Variants in SPACA6 observed in about 807,000 individuals in gnomAD.
SPACA6 encodes sperm acrosome membrane-associated protein 6.
For missense variants in SPACA6, 8 were observed against 2.8 expected (o/e 2.88, Z -1.34); for synonymous variants, 6 against 1.5 (o/e 4.05, Z -2.21).
At chr19:51,688,432 T>G (rs931991704), upstream of SPACA6, 1 of 152,404 alleles carries the variant, frequency 6.6e-6, no homozygotes, top group East Asian at 1.9e-4. Context: ...CCCTGTGTCA[T>G]ACCCAGATCA....
At chr19:51,687,465 T>A (rs2083333747), upstream of SPACA6, 1 of 136,344 alleles carries the variant, frequency 7.3e-6, no homozygotes. Flanking sequence ...AGCCTAGATA[T>A]GGGAGGATCT....
upstream of SPACA6, among the ~76,000 whole-genome samples, chr19:51,691,808 T>A (rs35627212): frequency 1.2e-5 from 1 of 80,718 alleles, no homozygotes; most frequent in Non-Finnish European, 2.6e-5. Flanking sequence ...AGCCCAGGGG[T>A]GGGGAGGGTG....
In SPACA6 at chr19:51,703,985, A is replaced by C. The variant is rs1210148401; in HGVS notation, c.574-45A>C. ...GGGGGGCGGGGCTTGTAGGTTACTC[A>C]GTGGCAAGCCGGAGTTGAGGCGTTT... On this transcript the variant is annotated intron_variant, in intron 6 of 8. Coordinates refer to ENST00000637797, the MANE Select transcript of SPACA6 (RefSeq NM_001316972.2). The surrounding 1 kb of genome is among the most constrained non-coding windows in gnomAD (Gnocchi z 4.2). 1.3e-5 allele frequency: 5 copies of C among 399,924 alleles called. No homozygotes were observed. In the Admixed American group the frequency reaches 2.2e-4, roughly 18 times the overall value. 24.8% of individuals were successfully genotyped at this position (399,924 alleles called of 1,614,324 possible). A position where few individuals can be genotyped will look rare whatever the true frequency, so the allele number is the denominator to read the frequency against.
Position 51,693,485 on chromosome 19 carries a change from A to G in SPACA6, c.-42A>G. The G allele has an allele frequency of 1.9e-6, 1 of 528,374 alleles. No individual in the cohort carries two copies. The highest frequency in any genetic ancestry group is 3.5e-6 in the Non-Finnish European group (1 of 281,706). 32.7% of individuals were successfully genotyped at this position (528,374 alleles called of 1,614,324 possible). A position where few individuals can be genotyped will look rare whatever the true frequency, so the allele number is the denominator to read the frequency against. ...CCTTCCCCCGCCCTGTGGTGACTTC[A>G]TAAAGGTTACTAGCTTCTCCCCTGG... On this transcript the variant is annotated 5_prime_UTR_variant, in exon 1 of 9. Coordinates refer to ENST00000637797, the MANE Select transcript of SPACA6 (RefSeq NM_001316972.2).
upstream of SPACA6, among the ~76,000 whole-genome samples, chr19:51,691,239 A>AG (rs2083369554): frequency 6.7e-6 from 1 of 150,244 alleles, no homozygotes; most frequent in African/African-American, 2.4e-5. Flanking sequence ...CAAAGAGAGA[A>AG]GGGGGAGGGG....
chr19:51,685,081 G>C (rs2122170122), upstream of SPACA6, among the ~76,000 whole-genome samples: 1 of 152,296 alleles, frequency 6.6e-6, no homozygotes, highest in East Asian at 1.9e-4. Context: ...GTAAGTCCTT[G>C]ACTCAGACCT....
chr19:51,698,814 G>A (rs1042899087), intron 2 of SPACA6, among the ~76,000 whole-genome samples: 2 of 152,196 alleles, frequency 1.3e-5, no homozygotes, highest in African/African-American at 4.8e-5. Flanking sequence ...CCTATATAAA[G>A]TAAGTCTTGT....
Position 51,693,705 on chromosome 19 carries a change from C to T in SPACA6, c.179C>T (p.Thr60Met), listed in dbSNP as rs961008606. ...CTTGAAGAGTGTGAGGAGGCCTTCACGGCCGCCTTCCAGGGCCTCTCTGAC... is the reference window on the plus strand; with the variant it reads ...CTTGAAGAGTGTGAGGAGGCCTTCATGGCCGCCTTCCAGGGCCTCTCTGAC... ...PKLEECEEAF[T>M]AAFQGLSDTE... The change falls in exon 1 of 9, where the codon ACG (threonine) becomes ATG (methionine). Residue 60 changes from threonine to methionine, a missense_variant. Transcript: ENST00000637797. 19 of 406,962 alleles carry T rather than the reference C, an allele frequency of 4.7e-5. No homozygotes were observed. The highest frequency in any genetic ancestry group is 2.2e-4 in the African/African-American group (11 of 49,052). The allele number at this position is 406,962 out of a possible 1,614,324, so 25.2% of individuals were successfully genotyped here.
intron 2 of SPACA6, among the ~76,000 whole-genome samples, chr19:51,699,157 A>G (rs2083450349): frequency 1.3e-5 from 2 of 152,106 alleles, no homozygotes; most frequent in Admixed American, 1.3e-4. Context: ...CTACAAGCAC[A>G]CCATCACACC....
intron 2 of SPACA6, among the ~76,000 whole-genome samples, chr19:51,696,367 T>G (rs981544974): frequency 6.6e-6 from 1 of 152,164 alleles, no homozygotes; most frequent in Non-Finnish European, 1.5e-5. Flanking sequence ...ACATAATCGA[T>G]AAAATATCTT....
downstream of SPACA6, chr19:51,705,379 A>C (rs1196070866): frequency 5.9e-6 from 2 of 338,776 alleles, no homozygotes; most frequent in Non-Finnish European, 1.1e-5. Flanking sequence ...CCATCTGCAG[A>C]AGGCACCCTC....
downstream of SPACA6, among the ~76,000 whole-genome samples, chr19:51,709,453 G>T (rs1429122133): frequency 6.7e-6 from 1 of 149,222 alleles, no homozygotes; most frequent in East Asian, 2.0e-4. Flanking sequence ...TGAGGCGGAG[G>T]TTGCAGTGAG....
intron 2 of SPACA6, among the ~76,000 whole-genome samples, chr19:51,701,236 GGAAAT>G (rs146764067): frequency 0.33 from 50,203 of 151,446 alleles, 8,426 homozygotes; most frequent in South Asian, 0.47. Context: ...ATAAAATAAA[GGAAAT>G]GAAAGGTGGG....
intron 2 of SPACA6, among the ~76,000 whole-genome samples, chr19:51,695,495 G>A (rs550604192): frequency 9.2e-4 from 140 of 152,270 alleles, no homozygotes; most frequent in African/African-American, 3.1e-3. Flanking sequence ...CCCTCCAAGC[G>A]TCCTGTCAAC....
downstream of SPACA6, among the ~76,000 whole-genome samples, chr19:51,709,614 C>CAAAA (rs56844884): frequency 3.3e-4 from 31 of 93,140 alleles, no homozygotes; most frequent in African/African-American, 1.2e-3. Flanking sequence ...GACTCTGTCA[C>CAAAA]AAAAAAAAAA....
chr19:51,704,189 G>A lies in SPACA6; in HGVS notation c.730+3G>A, dbSNP rs1050137669. The A allele has an allele frequency of 1.5e-5, 6 of 401,002 alleles. No homozygotes were observed. Among genetic ancestry groups the A allele is most frequent in the Non-Finnish European group, 2.7e-5 (6 of 226,158 alleles). The allele number at this position is 401,002 out of a possible 1,614,324, so 24.8% of individuals were successfully genotyped here. On this transcript the variant is annotated splice_donor_region_variant and intron_variant, in intron 7 of 8. Transcript: ENST00000637797. Reference sequence around the variant, plus strand: ...CCGGCTCTACTTCTTTCTTAACGGTGGGGCGGGGCGCGGCCGCGTGAGTGA... The same window carrying A: ...CCGGCTCTACTTCTTTCTTAACGGTAGGGCGGGGCGCGGCCGCGTGAGTGA...
At chr19:51,708,904 G>A (rs908016366), downstream of SPACA6, among the ~76,000 whole-genome samples, 14 of 151,782 alleles carry the variant, frequency 9.2e-5, no homozygotes, top group Admixed American at 6.6e-5. Context: ...AAAGGGAAAA[G>A]CCCTGAGGCA....
intron 2 of SPACA6, among the ~76,000 whole-genome samples, chr19:51,697,135 G>A (rs539107153): frequency 4.3e-4 from 66 of 152,274 alleles, no homozygotes; most frequent in African/African-American, 1.5e-3. Flanking sequence ...CTGCTGCTCC[G>A]GGAACACTCT....
At chr19:51,708,873 CTG>C (rs1449009887), downstream of SPACA6, among the ~76,000 whole-genome samples, 1 of 150,034 alleles carries the variant, frequency 6.7e-6, no homozygotes, top group Non-Finnish European at 1.5e-5. Context: ...AAAAAAAAAA[CTG>C]TTCCAGGCAA....
Sources: allele counts gnomAD v4.1 joint callset (sites outside exome capture counted in the v4.1 genomes callset), GRCh38; gene constraint gnomAD v4.1.1; non-coding constraint Gnocchi (gnomAD v3.1); transcripts MANE v1.5; gene names NCBI Gene and HGNC (gene_info 2026-07-23, HGNC 2026-07-21).